The following VWA3B variants were observed in gnomAD, a reference collection of about 807,000 sequenced individuals.
VWA3B encodes von Willebrand factor A domain containing 3B, also known as von Willebrand factor A domain-containing protein 3B.
Under a neutral mutation model 158.3 loss-of-function variants are expected in VWA3B, and 138 were observed. The observed-to-expected ratio is 0.87, with a 90% CI of 0.76 to 1.00. VWA3B has a LOEUF of 1.00. Among genes scored for constraint, VWA3B ranks in the 50% least tolerant of loss-of-function variants. VWA3B has a pLI of 0.00. For missense variants in VWA3B, 1,555 were observed against 1,565.1 expected (o/e 0.99, Z 0.11); for synonymous variants, 596 against 587.3 (o/e 1.01, Z -0.21).
chr2:98,152,883 A>G lies in VWA3B; in HGVS notation c.989-9968A>G, dbSNP rs537856918. ...ACTTCAAGCCAGAGCTTTGTACTTTATACACAAGGGAGAAGAGGAGGCACA... is the reference window on the plus strand; with the variant it reads ...ACTTCAAGCCAGAGCTTTGTACTTTGTACACAAGGGAGAAGAGGAGGCACA... On this transcript the variant is annotated intron_variant, in intron 7 of 27. Transcript: ENST00000477737. 9.2e-5 allele frequency among the ~76,000 whole-genome samples: 14 copies of G among 152,344 alleles called. No individual in the cohort carries two copies. The East Asian group carries it at 2.7e-3, about 29-fold the overall frequency.
intron 12 of VWA3B, among the ~76,000 whole-genome samples, chr2:98,208,383 G>A (rs1683199458): frequency 6.6e-6 from 1 of 152,038 alleles, no homozygotes; most frequent in African/African-American, 2.4e-5. Flanking sequence ...TAAGGATTAA[G>A]TGTCTCATTT....
At position 98,121,373 on chromosome 2, in the gene VWA3B, G is replaced by T; in HGVS notation, c.617G>T (p.Ser206Ile). ...GAACAGTCCATAGCTACTGCCATCA[G>T]TTGGGTTGAGAAACTGACGGTTGAG... ...VTEQSIATAI[S>I]WVEKLTVELT... Residue 206 changes from serine to isoleucine, a missense_variant, in exon 5 of 28, where the codon AGT (serine) becomes ATT (isoleucine). Coordinates refer to ENST00000477737, the MANE Select transcript of VWA3B (RefSeq NM_144992.5). 1 of 1,614,252 alleles carries T rather than the reference G, an allele frequency of 6.2e-7. No homozygotes were observed. Among genetic ancestry groups the T allele is most frequent in the Non-Finnish European group, 8.5e-7 (1 of 1,180,052 alleles).
At chr2:98,101,292 T>C (rs1312142434) in intron 2 of VWA3B, among the ~76,000 whole-genome samples, 1 of 152,196 alleles carries the variant, frequency 6.6e-6, no homozygotes, top group Non-Finnish European at 1.5e-5. Context: ...ATATACAACG[T>C]ATATATACTT....
chr2:98,269,171 A>T (rs1192636138), intron 21 of VWA3B, among the ~76,000 whole-genome samples: 9 of 152,112 alleles, frequency 5.9e-5, no homozygotes, highest in Non-Finnish European at 1.3e-4. Context: ...ACATTTGAAA[A>T]AACAGCTATC....
chr2:98,237,726 G>C (rs1447676937), intron 19 of VWA3B, among the ~76,000 whole-genome samples: 1 of 152,162 alleles, frequency 6.6e-6, no homozygotes, highest in Non-Finnish European at 1.5e-5. Context: ...AGCAACTAAC[G>C]ATTTAAATAG....
chr2:98,138,418 A>AT (rs1676457772), intron 7 of VWA3B, among the ~76,000 whole-genome samples: 3 of 152,162 alleles, frequency 2.0e-5, no homozygotes, highest in African/African-American at 7.2e-5. Flanking sequence ...TGCTAGAGAG[A>AT]TCCATTAAAA....
chr2:98,179,671 T>C (rs1010505031), intron 8 of VWA3B, among the ~76,000 whole-genome samples: 1 of 152,052 alleles, frequency 6.6e-6, no homozygotes, highest in African/African-American at 2.4e-5. Flanking sequence ...TTTCTCTTTC[T>C]TTTCTTTCTT....
At chr2:98,104,539 A>G (rs950109799) in intron 2 of VWA3B, among the ~76,000 whole-genome samples, 1 of 152,194 alleles carries the variant, frequency 6.6e-6, no homozygotes, top group Admixed American at 6.5e-5. Flanking sequence ...CCGTGATCCA[A>G]ACACTTCCCA....
At position 98,228,283 on chromosome 2, in the gene VWA3B, T is replaced by G; in HGVS notation, c.2101T>G (p.Ser701Ala). The G allele has an allele frequency of 1.2e-6, 2 of 1,614,022 alleles. No individual in the cohort carries two copies. Among genetic ancestry groups the G allele is most frequent in the South Asian group, 2.2e-5 (2 of 91,062 alleles). Residue 701 changes from serine (S) to alanine (A), a missense_variant, in exon 15 of 28, where the codon TCC becomes GCC. Physicochemically the swap from Ser to Ala is moderately conservative, Grantham distance 99. Transcript: ENST00000477737. ...LEKMQDLYSE[S>A]LIMDWWYNAE... ...GAAGATGCAAGACCTTTATTCTGAG[T>G]CCTTGATCATGGACTGGTGGTACAA...
chr2:98,188,968 G>A (rs555999481), intron 10 of VWA3B, among the ~76,000 whole-genome samples: 3 of 152,302 alleles, frequency 2.0e-5, no homozygotes, highest in East Asian at 1.9e-4. Context: ...TAGGCCACAC[G>A]TGTATTGCCC....
intron 9 of VWA3B, among the ~76,000 whole-genome samples, chr2:98,184,091 G>A (rs575973359): frequency 1.1e-3 from 168 of 152,330 alleles, no homozygotes; most frequent in Non-Finnish European, 1.8e-3. Context: ...GGCAGTTGGA[G>A]GCAGGGTTTG....
intron 14 of VWA3B, 146 bp from the exon 15 acceptor site, chr2:98,228,056 A>G (rs1414999251): frequency 2.4e-6 from 2 of 825,828 alleles, no homozygotes; most frequent in African/African-American, 3.4e-5. Context: ...TGGGAGGCCA[A>G]GATGAGAGGA....
intron 22 of VWA3B, among the ~76,000 whole-genome samples, chr2:98,272,017 T>A (rs1688231661): frequency 6.6e-6 from 1 of 152,202 alleles, no homozygotes; most frequent in African/African-American, 2.4e-5. Context: ...GAAGAAGGCT[T>A]CTGTGACCAA....
At chr2:98,327,278 G>A in the VWA3B span, among the ~76,000 whole-genome samples, 12 of 151,954 alleles carry the variant, frequency 7.9e-5, no homozygotes, top group Non-Finnish European at 1.0e-4. Flanking sequence ...GGGCAACAGA[G>A]CAAGACCCTG....
intron 12 of VWA3B, among the ~76,000 whole-genome samples, chr2:98,205,329 A>T (rs1682928897): frequency 6.6e-6 from 1 of 152,204 alleles, no homozygotes; most frequent in African/African-American, 2.4e-5. Flanking sequence ...AGTTTTTCAT[A>T]ATATTCTCTT....
At chr2:98,270,574 C>G (rs1688136937) in intron 21 of VWA3B, 108 bp from the exon 22 acceptor site, 1 of 1,150,962 alleles carries the variant, frequency 8.7e-7, no homozygotes, top group Non-Finnish European at 1.2e-6. Context: ...AGATGTTTCT[C>G]AGGGGAGAAT....
At chr2:98,262,810 C>T (rs184263126) in intron 21 of VWA3B, among the ~76,000 whole-genome samples, 28 of 151,822 alleles carry the variant, frequency 1.8e-4, no homozygotes, top group African/African-American at 6.8e-4. Flanking sequence ...TCTTTTTGTA[C>T]TTATACAAAA....
intron 5 of VWA3B, among the ~76,000 whole-genome samples, chr2:98,126,882 C>G (rs921660515): frequency 6.6e-6 from 1 of 152,100 alleles, no homozygotes; most frequent in African/African-American, 2.4e-5. Flanking sequence ...CGTCCCACCC[C>G]TATCCCTTCC....
At chr2:98,090,009 A>C (rs1313458129) in intron 1 of VWA3B, among the ~76,000 whole-genome samples, 1 of 152,148 alleles carries the variant, frequency 6.6e-6, no homozygotes, top group African/African-American at 2.4e-5. Flanking sequence ...ACAAAATCTT[A>C]TTAGGGCAGT....
Sources: gnomAD v4.1 joint callset for allele counts (sites outside exome capture counted in the v4.1 genomes callset) on GRCh38, gnomAD v4.1.1 for gene constraint, MANE v1.5 for transcripts, NCBI Gene and HGNC (gene_info 2026-07-23, HGNC 2026-07-21) for gene names.